WDFY1: variants seen among roughly 807,000 people sequenced by gnomAD.
WDFY1 encodes the protein WD repeat and FYVE domain containing 1.
WDFY1 carries 32 observed loss-of-function variants against 56.4 expected under a neutral mutation model. That is an observed-to-expected ratio of 0.57 (90% CI 0.43 to 0.76). The LOEUF (loss-of-function observed/expected upper bound fraction) is 0.76, where lower values mean the gene tolerates loss of function less well. Among genes scored for constraint, WDFY1 ranks in the 30% least tolerant of loss-of-function variants. The pLI is 0.00. For missense variants in WDFY1, 480 were observed against 545.7 expected (o/e 0.88, Z 1.20); for synonymous variants, 192 against 197.3 (o/e 0.97, Z 0.23).
intron 2 of WDFY1, among the ~76,000 whole-genome samples, chr2:223,916,973 C>T (rs1349157056): frequency 6.6e-6 from 1 of 152,042 alleles, no homozygotes; most frequent in East Asian, 1.9e-4. Context: ...TGCCACCATG[C>T]CCGGCTAATT....
At chr2:223,906,445 C>G (rs1196748454) in intron 3 of WDFY1, among the ~76,000 whole-genome samples, 1 of 152,168 alleles carries the variant, frequency 6.6e-6, no homozygotes, top group Non-Finnish European at 1.5e-5. Context: ...GAAAGTACAC[C>G]TATTTAATAT....
chr2:223,930,930 G>C (rs930790032), intron 1 of WDFY1, among the ~76,000 whole-genome samples: 3 of 152,218 alleles, frequency 2.0e-5, no homozygotes, highest in African/African-American at 7.2e-5. Context: ...GCCTGGCTGA[G>C]GCCAGAAGCA....
intron 6 of WDFY1, among the ~76,000 whole-genome samples, chr2:223,898,348 T>C (rs1196342328): frequency 1.3e-5 from 2 of 152,322 alleles, no homozygotes; most frequent in South Asian, 2.1e-4. Flanking sequence ...AAAAGGTTTT[T>C]ACCAGTTAGA....
intron 8 of WDFY1, among the ~76,000 whole-genome samples, chr2:223,890,849 G>A (rs905000053): frequency 2.0e-5 from 3 of 152,134 alleles, no homozygotes; most frequent in Non-Finnish European, 2.9e-5. Context: ...TCTAATTATT[G>A]TTACTTCCTC....
In WDFY1 at chr2:223,912,337, G is replaced by A. The variant is rs1370776844; in HGVS notation, c.206-11C>T. 1 of 1,592,870 alleles carries A rather than the reference G, an allele frequency of 6.3e-7. No homozygotes were observed. The highest frequency in any genetic ancestry group is 8.5e-7 in the Non-Finnish European group (1 of 1,174,372). On this transcript the variant is annotated splice_polypyrimidine_tract_variant and intron_variant, in intron 2 of 11. Transcript: ENST00000233055. ...TAGCAGAGCAAGGAGCTGCCAGAAA[G>A]ACAAAGACCACATTACCAGCAAAGC...
intron 8 of WDFY1, among the ~76,000 whole-genome samples, chr2:223,889,374 C>G (rs1574759725): frequency 6.6e-6 from 1 of 152,244 alleles, no homozygotes; most frequent in East Asian, 1.9e-4. Context: ...TTTCCTTATC[C>G]ACTGTTATGG....
intron 2 of WDFY1, among the ~76,000 whole-genome samples, chr2:223,913,354 G>A (rs1319294506): frequency 6.6e-6 from 1 of 152,006 alleles, no homozygotes; most frequent in Non-Finnish European, 1.5e-5. Flanking sequence ...GTACCCCAAA[G>A]CAAAAACATA....
At chr2:223,906,691 T>C (rs1350771481) in intron 3 of WDFY1, among the ~76,000 whole-genome samples, 1 of 151,926 alleles carries the variant, frequency 6.6e-6, no homozygotes, top group Non-Finnish European at 1.5e-5. Flanking sequence ...AGCTAAATTT[T>C]GTATTTTTAA....
At chr2:223,879,992 C>T (rs1693038214) in intron 11 of WDFY1, 132 bp downstream of exon 11, 2 of 793,478 alleles carry the variant, frequency 2.5e-6, no homozygotes, top group East Asian at 5.0e-5. Flanking sequence ...CAATTTGTTA[C>T]TCAAGGTTTT....
intron 4 of WDFY1, among the ~76,000 whole-genome samples, chr2:223,904,039 T>G (rs771623412): frequency 5.9e-5 from 9 of 152,198 alleles, no homozygotes; most frequent in Non-Finnish European, 8.8e-5. Context: ...CATAAAGGAA[T>G]TTACGGATTC....
chr2:223,881,914 A>G, intron 10 of WDFY1, 28 bp downstream of exon 10: 1 of 1,611,526 alleles, frequency 6.2e-7, no homozygotes. Flanking sequence ...AATAAGAGGC[A>G]ATGAGACAAA....
chr2:223,903,641 GTTTTTTGTT>G (rs1372751260), intron 4 of WDFY1, among the ~76,000 whole-genome samples: 2 of 32,602 alleles, frequency 6.1e-5, no homozygotes, highest in Non-Finnish European at 2.5e-4. Context: ...ACACACACAC[GTTTTTTGTT>G]TTTTTTTTTT....
At chr2:223,930,934 A>C (rs904328561) in intron 1 of WDFY1, among the ~76,000 whole-genome samples, 1 of 152,258 alleles carries the variant, frequency 6.6e-6, no homozygotes, top group South Asian at 2.1e-4. Context: ...GGCTGAGGCC[A>C]GAAGCACTGC....
chr2:223,934,692 T>A (rs1185260770), intron 1 of WDFY1, among the ~76,000 whole-genome samples: 1 of 152,038 alleles, frequency 6.6e-6, no homozygotes, highest in East Asian at 1.9e-4. Flanking sequence ...GGCTAATCTT[T>A]GTATTTTTAG....
chr2:223,902,492 G>A (rs1471949579), intron 4 of WDFY1, among the ~76,000 whole-genome samples: 1 of 152,256 alleles, frequency 6.6e-6, no homozygotes, highest in East Asian at 1.9e-4. Context: ...TTGAGCCCAG[G>A]AGTTGGAGGT....
At chr2:223,927,224 T>C (rs551040976) in intron 1 of WDFY1, among the ~76,000 whole-genome samples, 2 of 152,350 alleles carry the variant, frequency 1.3e-5, no homozygotes, top group African/African-American at 4.8e-5. Context: ...AACCTATCTT[T>C]TGGAGCTTTG....
chr2:223,915,847 C>T lies in WDFY1; in HGVS notation c.205+2096G>A, dbSNP rs983241682. 2.0e-5 allele frequency among the ~76,000 whole-genome samples: 3 copies of T among 152,190 alleles called. No homozygotes were observed. The East Asian group carries it at 5.8e-4, about 29-fold the overall frequency. On this transcript the variant is annotated intron_variant, in intron 2 of 11. Coordinates refer to ENST00000233055, the MANE Select transcript of WDFY1 (RefSeq NM_020830.5). ...CCAGGATGTCCCACCTATCTCTGCCCTGCTGCCAAAATTTCCAAAGTAAAT... is the reference window on the plus strand; with the variant it reads ...CCAGGATGTCCCACCTATCTCTGCCTTGCTGCCAAAATTTCCAAAGTAAAT...
intron 1 of WDFY1, among the ~76,000 whole-genome samples, chr2:223,919,853 C>T (rs1348771289): frequency 1.3e-5 from 2 of 152,284 alleles, no homozygotes; most frequent in Middle Eastern, 3.4e-3. Context: ...CTGGAGGCAG[C>T]GTCCTCCCTG....
intron 1 of WDFY1, among the ~76,000 whole-genome samples, chr2:223,925,039 C>CA (rs1284493955): frequency 2.6e-5 from 4 of 151,872 alleles, no homozygotes; most frequent in African/African-American, 9.7e-5. Flanking sequence ...AAAGGAACTA[C>CA]AAATTTAAAA....
Sources: allele counts gnomAD v4.1 joint callset (sites outside exome capture counted in the v4.1 genomes callset), GRCh38; gene constraint gnomAD v4.1.1; transcripts MANE v1.5; gene names NCBI Gene and HGNC (gene_info 2026-07-23, HGNC 2026-07-21).